The following FGF14 variants were observed in gnomAD, a reference collection of about 807,000 sequenced individuals.
The protein encoded by FGF14 is fibroblast growth factor homologous factor 4.
A neutral mutation model predicts 25.5 loss-of-function variants in FGF14; 5 were observed. That is an observed-to-expected ratio of 0.20 (90% confidence interval 0.10 to 0.41). The LOEUF (loss-of-function observed/expected upper bound fraction) is 0.41, where lower values mean the gene tolerates loss of function less well. Ranked by LOEUF, FGF14 falls within the 10% of genes least tolerant of loss-of-function variation. The pLI, the probability that FGF14 is intolerant of heterozygous loss-of-function variation, is 1.00. For synonymous variants in FGF14, 138 were observed against 118.3 expected, an observed-to-expected ratio of 1.17 and a Z score of -1.08; for missense variants, 222 against 320.1, an observed-to-expected ratio of 0.69 and a Z score of 2.34.
intron 1 of FGF14, chr13:102,045,999 T>G (rs1392217541): frequency 6.5e-6 from 1 of 154,452 alleles, no homozygotes; most frequent in Non-Finnish European, 1.5e-5. Context: ...TGATTGATCT[T>G]GTGAGGGTTA....
intron 1 of FGF14, among the ~76,000 whole-genome samples, chr13:102,323,849 A>G (rs1352306303): frequency 3.3e-5 from 5 of 152,274 alleles, no homozygotes; most frequent in South Asian, 2.1e-4. Context: ...GTACAACTAA[A>G]GGAAACAAAT....
chr13:101,778,788 G>A (rs1187366129), intron 3 of FGF14: 2 of 151,946 alleles, frequency 1.3e-5, no homozygotes, highest in African/African-American at 4.8e-5. Context: ...GACACTGCTT[G>A]TAATTTCTTA....
chr13:101,714,523 C>A lies in FGF14; in HGVS notation c.*8308G>T, dbSNP rs527870257. The A allele has an allele frequency of 1.9e-6, 3 of 1,606,508 alleles. No individual in the cohort carries two copies. The highest frequency in any genetic ancestry group is 3.3e-5 in the Admixed American group (2 of 60,000). Reference sequence around the variant, plus strand: ...TCTGTGACTGTGATGACAGAGACTGCGACAAACATGATGGTCTCATTTGTA... The same window carrying A: ...TCTGTGACTGTGATGACAGAGACTGAGACAAACATGATGGTCTCATTTGTA... On this transcript the variant is annotated 3_prime_UTR_variant, in exon 5 of 5. Transcript: ENST00000376143.
intron 1 of FGF14, among the ~76,000 whole-genome samples, chr13:102,033,203 A>G (rs1006289847): frequency 4.6e-5 from 7 of 152,160 alleles, no homozygotes; most frequent in Admixed American, 4.6e-4. Context: ...TCTGATTTCC[A>G]GAACATTTTG....
chr13:102,297,722 T>A (rs1594769983), intron 1 of FGF14, among the ~76,000 whole-genome samples: 1 of 145,942 alleles, frequency 6.9e-6, no homozygotes. Flanking sequence ...CCTACCTCTA[T>A]AAAAAAAAAA....
At position 101,868,843 on chromosome 13, in the gene FGF14, A is replaced by G. The variant is rs1417032549; in HGVS notation, c.305-15T>C. 9 of 1,550,508 alleles carry G rather than the reference A, an allele frequency of 5.8e-6. No homozygotes were observed. In the East Asian group the frequency reaches 2.0e-4, roughly 35 times the overall value. On this transcript the variant is annotated splice_polypyrimidine_tract_variant and intron_variant, in intron 2 of 4. Coordinates refer to ENST00000376143, the MANE Select transcript of FGF14 (RefSeq NM_004115.4). ...GTTGAAGAGTGCTGTGAAGATAAAC[A>G]TTGTCTATCATGAATGGGCAGGAAG...
intron 1 of FGF14, among the ~76,000 whole-genome samples, chr13:102,327,172 T>TAA (rs1384733530): frequency 6.6e-6 from 1 of 151,000 alleles, no homozygotes; most frequent in Non-Finnish European, 1.5e-5. Flanking sequence ...TCCTCCAAAT[T>TAA]GCATAAACTA....
chr13:102,273,566 A>G (rs886250634), intron 1 of FGF14, among the ~76,000 whole-genome samples: 1 of 152,238 alleles, frequency 6.6e-6, no homozygotes, highest in African/African-American at 2.4e-5. Context: ...TTTCAAACTT[A>G]ATTTTAGTAA....
intron 3 of FGF14, among the ~76,000 whole-genome samples, chr13:101,755,230 A>G (rs1024755070): frequency 6.6e-6 from 1 of 152,196 alleles, no homozygotes; most frequent in Non-Finnish European, 1.5e-5. Flanking sequence ...ACAAAGATGC[A>G]TAACATAAGA....
At chr13:101,973,324 C>T (rs1222941675) in intron 1 of FGF14, among the ~76,000 whole-genome samples, 1 of 152,128 alleles carries the variant, frequency 6.6e-6, no homozygotes, top group Non-Finnish European at 1.5e-5. Flanking sequence ...AAAACTTGAA[C>T]ACCATGTATA....
At chr13:101,976,227 T>C (rs1483255969) in intron 1 of FGF14, among the ~76,000 whole-genome samples, 1 of 152,180 alleles carries the variant, frequency 6.6e-6, no homozygotes, top group Non-Finnish European at 1.5e-5. Flanking sequence ...AGTTTCTCAA[T>C]TCATAGCGCT....
intron 3 of FGF14, among the ~76,000 whole-genome samples, chr13:101,776,361 C>A (rs1257419598): frequency 1.3e-5 from 2 of 152,172 alleles, no homozygotes; most frequent in African/African-American, 2.4e-5. Flanking sequence ...TTGAAGCCAT[C>A]ATCATTAGGA....
chr13:102,161,580 GAAGAAGAA>G, intron 1 of FGF14, among the ~76,000 whole-genome samples: 1 of 3,540 alleles, frequency 2.8e-4, no homozygotes, highest in South Asian at 0.014. Context: ...AAAGAAAGAA[GAAGAAGAA>G]GAAGAAGAAG....
chr13:102,003,972 C>A (rs1034076760), intron 1 of FGF14, among the ~76,000 whole-genome samples: 1 of 152,100 alleles, frequency 6.6e-6, no homozygotes, highest in Non-Finnish European at 1.5e-5. Flanking sequence ...TCAAATGTCC[C>A]CTCTTGCTTT....
chr13:101,724,422 T>TCA, intron 4 of FGF14, among the ~76,000 whole-genome samples: 1 of 142,942 alleles, frequency 7.0e-6, no homozygotes, highest in African/African-American at 2.6e-5. Flanking sequence ...AAGGGGAACA[T>TCA]CACACACACG....
At chr13:102,278,952 G>C (rs2053689781) in intron 1 of FGF14, among the ~76,000 whole-genome samples, 1 of 152,064 alleles carries the variant, frequency 6.6e-6, no homozygotes, top group Non-Finnish European at 1.5e-5. Flanking sequence ...ATATATACCA[G>C]CTGGATATAA....
At chr13:101,954,058 T>G (rs1242588365) in intron 1 of FGF14, among the ~76,000 whole-genome samples, 2 of 152,210 alleles carry the variant, frequency 1.3e-5, no homozygotes, top group Non-Finnish European at 2.9e-5. Context: ...ACTGTGGGCT[T>G]GACAGAAAAC....
chr13:101,836,112 A>C (rs1382654803), intron 3 of FGF14, among the ~76,000 whole-genome samples: 3 of 152,114 alleles, frequency 2.0e-5, no homozygotes, highest in Admixed American at 6.6e-5. Context: ...GACTGACAGT[A>C]AGTCAGAACA....
At chr13:101,919,291 G>C (rs1487414061), upstream of FGF14, among the ~76,000 whole-genome samples, 2 of 151,154 alleles carry the variant, frequency 1.3e-5, no homozygotes, top group Non-Finnish European at 2.9e-5. Context: ...AAAGCATCCA[G>C]GTTTATTATC....
Sources: gnomAD v4.1 joint callset for allele counts (sites outside exome capture counted in the v4.1 genomes callset) on GRCh38, gnomAD v4.1.1 for gene constraint, MANE v1.5 for transcripts, NCBI Gene and HGNC (gene_info 2026-07-23, HGNC 2026-07-21) for gene names.